Variants in SAMD12 observed in about 807,000 individuals in gnomAD.
SAMD12 encodes the protein sterile alpha motif domain-containing protein 12.
In SAMD12, 9 loss-of-function variants were observed where a neutral mutation model predicts 15.0. The ratio of observed to expected loss-of-function variants is 0.60; its 90% CI spans 0.36 to 1.05. The LOEUF (loss-of-function observed/expected upper bound fraction) is 1.05. Among genes scored for constraint, SAMD12 ranks in the 50% least tolerant of loss-of-function variants. SAMD12 has a pLI of 0.01. For missense variants in SAMD12, 230 were observed against 234.2 expected (o/e 0.98, Z 0.12); for synonymous variants, 86 against 90.1 (o/e 0.96, Z 0.25).
intron 2 of SAMD12, among the ~76,000 whole-genome samples, chr8:118,450,912 G>C (rs1350854966): frequency 6.6e-6 from 1 of 152,128 alleles, no homozygotes; most frequent in Non-Finnish European, 1.5e-5. Context: ...GGTCAAGCCT[G>C]ACCAAATTAG....
intron 3 of SAMD12, among the ~76,000 whole-genome samples, chr8:118,406,910 G>A (rs1454004033): frequency 2.0e-5 from 3 of 151,890 alleles, no homozygotes; most frequent in African/African-American, 7.3e-5. Flanking sequence ...GTGTGTGTGT[G>A]TGTGTGTGTG....
chr8:118,169,850 G>A, the SAMD12 span, among the ~76,000 whole-genome samples: 11 of 152,142 alleles, frequency 7.2e-5, no homozygotes, highest in Admixed American at 2.0e-4. Context: ...CAAAGACTGA[G>A]GAAAGCTGTT....
intron 4 of SAMD12, among the ~76,000 whole-genome samples, chr8:118,372,673 CA>C (rs1227340233): frequency 1.3e-5 from 2 of 152,064 alleles, no homozygotes; most frequent in African/African-American, 4.8e-5. Context: ...TTGTGTCAAA[CA>C]AACCTGCAAA....
chr8:118,409,722 G>GA (rs1821314161), intron 3 of SAMD12, among the ~76,000 whole-genome samples: 1 of 151,666 alleles, frequency 6.6e-6, no homozygotes, highest in Admixed American at 6.6e-5. Flanking sequence ...TGGCTAAATG[G>GA]CTTATAATAT....
chr8:118,511,863 A>C (rs1030204302), intron 2 of SAMD12, among the ~76,000 whole-genome samples: 4 of 152,200 alleles, frequency 2.6e-5, no homozygotes, highest in Non-Finnish European at 5.9e-5. Flanking sequence ...ACAAATCTGC[A>C]CTGAACAAAG....
chr8:118,180,532 C>T, the SAMD12 span, among the ~76,000 whole-genome samples: 1 of 136,710 alleles, frequency 7.3e-6, no homozygotes, highest in African/African-American at 2.5e-5. Flanking sequence ...TGTTTCATGC[C>T]TTTCTCTTTC....
At chr8:118,463,625 C>A (rs1274631778) in intron 2 of SAMD12, among the ~76,000 whole-genome samples, 1 of 152,060 alleles carries the variant, frequency 6.6e-6, no homozygotes, top group African/African-American at 2.4e-5. Context: ...ACAAGTACCA[C>A]GTTACAAAAT....
intron 1 of SAMD12, among the ~76,000 whole-genome samples, chr8:118,618,813 T>C (rs1226890119): frequency 2.9e-5 from 4 of 137,092 alleles, no homozygotes; most frequent in Non-Finnish European, 6.1e-5. Context: ...CATTCCAGCC[T>C]GGGCGACAGA....
intron 4 of SAMD12, among the ~76,000 whole-genome samples, chr8:118,311,448 C>T (rs1350133059): frequency 6.6e-6 from 1 of 152,198 alleles, no homozygotes; most frequent in Admixed American, 6.5e-5. Flanking sequence ...CAGAAACTCT[C>T]TGGCCTACAA....
intron 1 of SAMD12, among the ~76,000 whole-genome samples, chr8:118,619,838 A>G (rs919991736): frequency 1.3e-5 from 2 of 152,184 alleles, no homozygotes; most frequent in African/African-American, 4.8e-5. Flanking sequence ...AGAGGAAGTG[A>G]CATTTTCCCA....
intron 2 of SAMD12, among the ~76,000 whole-genome samples, chr8:118,481,788 A>C (rs1824135660): frequency 1.3e-5 from 2 of 152,184 alleles, no homozygotes; most frequent in South Asian, 4.1e-4. Context: ...AAATATAATA[A>C]AACTCCAAAA....
At chr8:118,150,362 C>G in the SAMD12 span, among the ~76,000 whole-genome samples, 2 of 152,036 alleles carry the variant, frequency 1.3e-5, no homozygotes, top group Non-Finnish European at 2.9e-5. Flanking sequence ...ATAAATATTA[C>G]AGTACATCGT....
At chr8:118,615,900 G>C (rs1245871015) in intron 1 of SAMD12, among the ~76,000 whole-genome samples, 1 of 152,148 alleles carries the variant, frequency 6.6e-6, no homozygotes, top group Admixed American at 6.5e-5. Context: ...AAAAGAGATG[G>C]GGGTGGCAGG....
intron 1 of SAMD12, among the ~76,000 whole-genome samples, chr8:118,600,176 G>A (rs1827825212): frequency 6.6e-6 from 1 of 152,082 alleles, no homozygotes; most frequent in South Asian, 2.1e-4. Context: ...TATCCTGAGT[G>A]CAGCAGGGTG....
rs995184224 is a variant in SAMD12 at position 118,297,518 on chromosome 8, C to T, written c.433+82042G>A. ...TACTTTGGTATGTCCATTTAAAAAG[C>T]ATATATATATGCCAGCAAATAAGAT... On this transcript the variant is annotated intron_variant, in intron 4 of 4. Transcript: ENST00000409003. 2.0e-5 allele frequency among the ~76,000 whole-genome samples: 3 copies of T among 152,072 alleles called. No individual in the cohort carries two copies. The East Asian group carries it at 5.8e-4, about 29-fold the overall frequency.
chr8:118,212,860 AG>A (rs1811867675), intron 4 of SAMD12, among the ~76,000 whole-genome samples: 1 of 152,218 alleles, frequency 6.6e-6, no homozygotes, highest in Non-Finnish European at 1.5e-5. Context: ...AGATTGTAAA[AG>A]GTACAATTCA....
chr8:118,511,935 C>T (rs78069714), intron 2 of SAMD12, among the ~76,000 whole-genome samples: 3,580 of 152,254 alleles, frequency 0.024, 113 homozygotes, highest in African/African-American at 0.076. Flanking sequence ...CAAACTTGCC[C>T]TTTCTGATTG....
chr8:118,477,142 T>C (rs569619619), intron 2 of SAMD12, among the ~76,000 whole-genome samples: 1 of 151,984 alleles, frequency 6.6e-6, no homozygotes, highest in East Asian at 1.9e-4. Flanking sequence ...CTCGGCTCAC[T>C]GCAACTTCCA....
intron 3 of SAMD12, among the ~76,000 whole-genome samples, chr8:118,387,888 G>A (rs976342721): frequency 6.6e-6 from 1 of 152,144 alleles, no homozygotes; most frequent in Non-Finnish European, 1.5e-5. Context: ...ACTTGGTGGA[G>A]AACGACAGGG....
Sources: allele counts gnomAD v4.1 joint callset (sites outside exome capture counted in the v4.1 genomes callset), GRCh38; gene constraint gnomAD v4.1.1; transcripts MANE v1.5; gene names NCBI Gene and HGNC (gene_info 2026-07-23, HGNC 2026-07-21).